ANKRD10: variants seen among roughly 807,000 people sequenced by gnomAD.
ANKRD10 encodes the protein ankyrin repeat domain-containing protein 10.
ANKRD10 carries 14 observed loss-of-function variants against 27.0 expected under a neutral mutation model. The observed-to-expected ratio is 0.52, with a 90% CI of 0.34 to 0.81. The LOEUF is 0.81. ANKRD10 is among the 40% of genes least tolerant of loss of function. The probability of loss-of-function intolerance (pLI) is 0.01; values close to 1 mark genes in which losing one functional copy is unlikely to be tolerated. For missense variants in ANKRD10, 493 were observed against 544.0 expected (o/e 0.91, Z 0.93); for synonymous variants, 250 against 224.5 (o/e 1.11, Z -1.01).
intron 2 of ANKRD10, 75 bp from the exon 3 acceptor site, chr13:110,906,199 A>G (rs1594624919): frequency 3.4e-6 from 4 of 1,163,714 alleles, no homozygotes; most frequent in East Asian, 5.1e-5. Flanking sequence ...TGTCATTAAC[A>G]CAGATCAGAG....
intron 1 of ANKRD10, among the ~76,000 whole-genome samples, chr13:110,912,811 T>C (rs2065758122): frequency 6.6e-6 from 1 of 152,228 alleles, no homozygotes; most frequent in African/African-American, 2.4e-5. Context: ...GCGGTAGCCC[T>C]GAGTCCTGGC....
At chr13:110,891,358 G>C (rs2065067728) in intron 4 of ANKRD10, among the ~76,000 whole-genome samples, 1 of 152,172 alleles carries the variant, frequency 6.6e-6, no homozygotes, top group Non-Finnish European at 1.5e-5. Flanking sequence ...TGACAATGCT[G>C]AATACATCAC....
In ANKRD10 at chr13:110,897,604, T is replaced by C. The variant is rs558971244; in HGVS notation, c.456-4341A>G. 3.9e-5 allele frequency among the ~76,000 whole-genome samples: 6 copies of C among 152,320 alleles called. No individual in the cohort carries two copies. In the East Asian group the frequency reaches 1.2e-3, roughly 29 times the overall value. ...TATATACCACATTTTATCTGTTCATTTGCTGATAGACACAGGTTGATTCCA... is the reference window on the plus strand; with the variant it reads ...TATATACCACATTTTATCTGTTCATCTGCTGATAGACACAGGTTGATTCCA... On this transcript the variant is annotated intron_variant, in intron 3 of 5. Coordinates refer to ENST00000267339, the MANE Select transcript of ANKRD10 (RefSeq NM_017664.4).
chr13:110,894,068 T>C, intron 3 of ANKRD10: 1 of 1,396,270 alleles, frequency 7.2e-7, no homozygotes, highest in Non-Finnish European at 1.0e-6. Context: ...GCAGAGTAAG[T>C]GAAAGAGCTG....
chr13:110,880,147 GAACC>G, intron 5 of ANKRD10, 35 bp from the exon 6 acceptor site: 1 of 1,552,348 alleles, frequency 6.4e-7, no homozygotes, highest in Non-Finnish European at 8.8e-7. Context: ...CCAAAATTCA[GAACC>G]AATGAGGGAG....
intron 4 of ANKRD10, 59 bp from the exon 5 acceptor site, chr13:110,883,852 G>C: frequency 6.5e-7 from 1 of 1,529,828 alleles, no homozygotes; most frequent in Non-Finnish European, 8.9e-7. Flanking sequence ...TAAGTGTTCA[G>C]ACACACAGTT....
At chr13:110,895,388 G>C (rs564191758) in intron 3 of ANKRD10, 2 of 152,344 alleles carry the variant, frequency 1.3e-5, no homozygotes, top group Admixed American at 6.5e-5. Flanking sequence ...TTTGAGACCA[G>C]CTTGGCTTAC....
chr13:110,902,677 A>T (rs377679181), intron 3 of ANKRD10, among the ~76,000 whole-genome samples: 2 of 152,356 alleles, frequency 1.3e-5, no homozygotes, highest in South Asian at 2.1e-4. Context: ...TCTGGTTACC[A>T]CAGAATAAAT....
At chr13:110,884,835 C>CA (rs1461889822) in intron 4 of ANKRD10, among the ~76,000 whole-genome samples, 5 of 152,220 alleles carry the variant, frequency 3.3e-5, no homozygotes, top group African/African-American at 1.2e-4. Flanking sequence ...ATACCTCCTT[C>CA]ATATAAACAT....
chr13:110,908,846 C>T (rs2065611547), intron 2 of ANKRD10, among the ~76,000 whole-genome samples: 1 of 152,196 alleles, frequency 6.6e-6, no homozygotes, highest in Non-Finnish European at 1.5e-5. Flanking sequence ...GGAGAAATTC[C>T]AGGATGCTTT....
At chr13:110,895,043 G>A (rs1449275011) in intron 3 of ANKRD10, 1 of 152,094 alleles carries the variant, frequency 6.6e-6, no homozygotes, top group Non-Finnish European at 1.5e-5. Context: ...TCAAGAATGT[G>A]AACAGAAAAA....
At chr13:110,912,632 G>A (rs1469306544) in intron 1 of ANKRD10, among the ~76,000 whole-genome samples, 3 of 152,322 alleles carry the variant, frequency 2.0e-5, no homozygotes, top group South Asian at 2.1e-4. Flanking sequence ...TGGTATAAAA[G>A]CTACAACAGA....
rs185999180 is a variant in ANKRD10 at position 110,892,378 on chromosome 13, C to T, written c.691+650G>A. On this transcript the variant is annotated intron_variant, in intron 4 of 5. Transcript: ENST00000267339. ...TTGGGAGCCGGAGGTTGCAGTGAGC[C>T]GAGATCACAGCATTGCACTCCAGCC... Among the ~76,000 whole-genome samples the T allele has an allele frequency of 1.5e-3, 172 of 112,240 alleles. 1 individual carries two copies. Among genetic ancestry groups the T allele is most frequent in the South Asian group, 4.0e-3 (13 of 3,258 alleles). The allele number at this position is 112,240 out of a possible 152,430, so 73.6% of individuals were successfully genotyped here. A position where few individuals can be genotyped will look rare whatever the true frequency, so the allele number is the denominator to read the frequency against.
intron 2 of ANKRD10, 36 bp downstream of exon 2, chr13:110,910,582 G>C (rs1323890430): frequency 6.2e-7 from 1 of 1,609,010 alleles, no homozygotes; most frequent in South Asian, 1.1e-5. Flanking sequence ...AAAAGAAAAA[G>C]CAAAAGCAAA....
chr13:110,880,631 T>TA (rs2064797798), intron 5 of ANKRD10, among the ~76,000 whole-genome samples: 1 of 151,870 alleles, frequency 6.6e-6, no homozygotes, highest in African/African-American at 2.4e-5. Context: ...CATGAGGTTT[T>TA]TAAAAAATCT....
intron 4 of ANKRD10, among the ~76,000 whole-genome samples, chr13:110,888,337 T>G (rs1433932179): frequency 6.6e-6 from 1 of 151,876 alleles, no homozygotes; most frequent in Non-Finnish European, 1.5e-5. Flanking sequence ...ACGCAGACAC[T>G]GTCTGGACTG....
At chr13:110,911,001 C>T (rs140170476) in intron 1 of ANKRD10, among the ~76,000 whole-genome samples, 3 of 152,148 alleles carry the variant, frequency 2.0e-5, no homozygotes, top group African/African-American at 2.4e-5. Context: ...TGCAAAAAGA[C>T]GACTAACACT....
chr13:110,883,112 A>G (rs973013440), intron 5 of ANKRD10: 1 of 152,268 alleles, frequency 6.6e-6, no homozygotes, highest in Admixed American at 6.5e-5. Context: ...AGTGTTTACC[A>G]TTTTAACAGA....
At position 110,878,932 on chromosome 13, in the gene ANKRD10, G is replaced by C. The variant is rs1255093952; in HGVS notation, c.*705C>G. 6.6e-6 allele frequency: 1 copy of C among 152,262 alleles called. No individual in the cohort carries two copies. The highest frequency in any genetic ancestry group is 2.4e-5 in the African/African-American group (1 of 41,446). The allele number at this position is 152,262 out of a possible 1,614,324, so 9.4% of individuals were successfully genotyped here. A position where few individuals can be genotyped will look rare whatever the true frequency, so the allele number is the denominator to read the frequency against. On this transcript the variant is annotated 3_prime_UTR_variant, in exon 6 of 6. Coordinates refer to ENST00000267339, the MANE Select transcript of ANKRD10 (RefSeq NM_017664.4). ...ATAGTGATTTCCACTACATATAAAGGAATCTGTTACATGTGGTAAAACTTC... is the reference window on the plus strand; with the variant it reads ...ATAGTGATTTCCACTACATATAAAGCAATCTGTTACATGTGGTAAAACTTC...
Sources: gnomAD v4.1 joint callset for allele counts (sites outside exome capture counted in the v4.1 genomes callset) on GRCh38, gnomAD v4.1.1 for gene constraint, MANE v1.5 for transcripts, NCBI Gene and HGNC (gene_info 2026-07-23, HGNC 2026-07-21) for gene names.